ABHD17A: variants seen among roughly 807,000 people sequenced by gnomAD.
The protein encoded by ABHD17A is alpha/beta hydrolase domain-containing protein 17A.
In ABHD17A, 10 loss-of-function variants were observed where a neutral mutation model predicts 26.8. That is an observed-to-expected ratio of 0.37 (90% CI 0.23 to 0.63). ABHD17A has a LOEUF of 0.63. Ranked by LOEUF, ABHD17A falls within the 30% of genes least tolerant of loss-of-function variation. The pLI is 0.61. For synonymous variants in ABHD17A, 167 were observed against 210.9 expected (o/e 0.79, Z 1.80); for missense variants, 292 against 457.3 (o/e 0.64, Z 3.30).
chr19:1,880,448 A>C lies in ABHD17A; in HGVS notation c.333-333T>G, dbSNP rs1462147441. ...GCATCCTCTCTCAGGGCAGACTCGC[A>C]GTGTGTGCTCAGATACTGCAGGCTT... On this transcript the variant is annotated intron_variant, in intron 2 of 4. Transcript: ENST00000292577. The surrounding 1 kb of genome is among the most constrained non-coding windows in gnomAD (Gnocchi z 4.1). Among the ~76,000 whole-genome samples the C allele has an allele frequency of 6.6e-6, 1 of 152,152 alleles. No individual in the cohort carries two copies. Among genetic ancestry groups the C allele is most frequent in the Non-Finnish European group, 1.5e-5 (1 of 68,018 alleles).
At position 1,881,815 on chromosome 19, in the gene ABHD17A, A is replaced by C; in HGVS notation, c.-238-11T>G. ...GTGCCGTGGGAAGCCCTGCGGGGGAACAGTGACATGTGGGGTCCTTTGGGG... is the reference window on the plus strand; with the variant it reads ...GTGCCGTGGGAAGCCCTGCGGGGGACCAGTGACATGTGGGGTCCTTTGGGG... On this transcript the variant is annotated splice_polypyrimidine_tract_variant and intron_variant, in intron 1 of 4. Transcript: ENST00000292577. 6.1e-6 allele frequency: 3 copies of C among 492,566 alleles called. No individual in the cohort carries two copies. Among genetic ancestry groups the C allele is most frequent in the Non-Finnish European group, 1.0e-5 (3 of 295,612 alleles). The allele number at this position is 492,566 out of a possible 1,614,324, so 30.5% of individuals were successfully genotyped here. A position where few individuals can be genotyped will look rare whatever the true frequency, so the allele number is the denominator to read the frequency against.
intron 3 of ABHD17A, 42 bp from the exon 4 acceptor site, chr19:1,877,729 C>G: frequency 1.3e-6 from 2 of 1,573,226 alleles, no homozygotes; most frequent in Non-Finnish European, 1.7e-6. Context: ...CTCCGACGCG[C>G]GCGCACCCTT....
chr19:1,880,133 G>C lies in ABHD17A; in HGVS notation c.333-18C>G, dbSNP rs1472081874. The C allele has an allele frequency of 6.2e-7, 1 of 1,612,288 alleles. No homozygotes were observed. The highest frequency in any genetic ancestry group is 1.1e-5 in the South Asian group (1 of 91,036). On this transcript the variant is annotated intron_variant, in intron 2 of 4. Transcript: ENST00000292577. The surrounding 1 kb of genome is among the most constrained non-coding windows in gnomAD (Gnocchi z 4.1). ...CCGTGTACCTGGGACAGGCCGAGAA[G>C]GGCCGTTCACATCCTCGCTCCCAGC...
chr19:1,880,705 GC>G lies in ABHD17A; in HGVS notation c.332+529del. On this transcript the variant is annotated intron_variant, in intron 2 of 4. Coordinates refer to ENST00000292577, the MANE Select transcript of ABHD17A (RefSeq NM_001130111.2). The surrounding 1 kb of genome is among the most constrained non-coding windows in gnomAD (Gnocchi z 4.1). ...GCAGCCCCTCCTGGCCCACCACCCTGCCCAAGCCCCAAGGCTGTGCTGCAAG... is the reference window on the plus strand; with the variant it reads ...GCAGCCCCTCCTGGCCCACCACCCTGCCAAGCCCCAAGGCTGTGCTGCAAG... Among the ~76,000 whole-genome samples the G allele has an allele frequency of 6.6e-6, 1 of 152,118 alleles. No individual in the cohort carries two copies. The highest frequency in any genetic ancestry group is 1.5e-5 in the Non-Finnish European group (1 of 68,032).
intron 3 of ABHD17A, chr19:1,878,561 CA>C (rs2012436698): frequency 1.3e-5 from 2 of 152,336 alleles, no homozygotes; most frequent in Admixed American, 1.3e-4. Flanking sequence ...GGAGCATGGG[CA>C]GGTGTGCGTC....
rs2012480599 is a variant in ABHD17A at position 1,880,089 on chromosome 19, T to C, written c.359A>G (p.Asn120Ser). The C allele has an allele frequency of 1.2e-6, 2 of 1,613,146 alleles. No homozygotes were observed. Among genetic ancestry groups the C allele is most frequent in the African/African-American group, 1.3e-5 (1 of 75,062 alleles). The change falls in exon 3 of 5, where the codon AAT becomes AGT. Residue 120 changes from asparagine (N) to serine (S), a missense_variant. Coordinates refer to ENST00000292577, the MANE Select transcript of ABHD17A (RefSeq NM_001130111.2). The surrounding 1 kb of genome is among the most constrained non-coding windows in gnomAD (Gnocchi z 4.1). ...ARYTVLFSHG[N>S]AVDLGQMSSF... Reference sequence around the variant, plus strand: ...GCTCATCTGGCCCAGGTCCACGGCATTGCCGTGCGAGAAGAGGACCGTGTA... The same window carrying C: ...GCTCATCTGGCCCAGGTCCACGGCACTGCCGTGCGAGAAGAGGACCGTGTA...
intron 1 of ABHD17A, 48 bp downstream of exon 1, chr19:1,885,304 C>T (rs1006910875): frequency 6.6e-6 from 1 of 151,252 alleles, no homozygotes; most frequent in Non-Finnish European, 1.5e-5. Context: ...AGGCCCGGCC[C>T]GGGACCCCGC....
At position 1,881,713 on chromosome 19, in the gene ABHD17A, G is replaced by A. The variant is rs1568744295; in HGVS notation, c.-147C>T. 8 of 1,190,690 alleles carry A rather than the reference G, an allele frequency of 6.7e-6. No homozygotes were observed. Among genetic ancestry groups the A allele is most frequent in the Non-Finnish European group, 8.8e-6 (8 of 904,374 alleles). 73.8% of individuals were successfully genotyped at this position (1,190,690 alleles called of 1,614,324 possible). ...AGCTACCGCCCCAGACAGCAGCCCCGTTAGGAGGCCAGGGCCCAGCCCCAT... is the reference window on the plus strand; with the variant it reads ...AGCTACCGCCCCAGACAGCAGCCCCATTAGGAGGCCAGGGCCCAGCCCCAT... On this transcript the variant is annotated 5_prime_UTR_variant, in exon 2 of 5. It adds an upstream start codon to the 5' untranslated region. Coordinates refer to ENST00000292577, the MANE Select transcript of ABHD17A (RefSeq NM_001130111.2).
intron 1 of ABHD17A, chr19:1,882,440 G>A (rs1169582751): frequency 2.0e-5 from 3 of 152,222 alleles, no homozygotes; most frequent in African/African-American, 4.8e-5. Flanking sequence ...CTCTGTGCTG[G>A]AGCCAGGCCT....
At chr19:1,878,138 C>T in intron 3 of ABHD17A, 1 of 172,444 alleles carries the variant, frequency 5.8e-6, no homozygotes, top group Non-Finnish European at 1.2e-5. Flanking sequence ...CTCCCTGCAG[C>T]CCTTGCCCAC....
chr19:1,877,475 C>T (rs2012398142), intron 4 of ABHD17A, 33 bp downstream of exon 4: 2 of 1,578,398 alleles, frequency 1.3e-6, no homozygotes, highest in East Asian at 4.5e-5. Flanking sequence ...GCCCGGGCCC[C>T]GCCCCGCCCC....
intron 2 of ABHD17A, 161 bp downstream of exon 2, chr19:1,881,074 C>A: frequency 6.3e-7 from 1 of 1,590,368 alleles, no homozygotes; most frequent in Non-Finnish European, 8.6e-7. Context: ...GCCAGAGGGA[C>A]GAGGCCGGCC....
rs779052368 is a variant in ABHD17A at position 1,881,436 on chromosome 19, C to A, written c.131G>T (p.Gly44Val). 2 of 1,602,338 alleles carry A rather than the reference C, an allele frequency of 1.2e-6. No homozygotes were observed. Among genetic ancestry groups the A allele is most frequent in the East Asian group, 2.2e-5 (1 of 44,798 alleles). Residue 44 changes from glycine to valine, a missense_variant, in exon 2 of 5, where the codon GGG (glycine) becomes GTG (valine). Around this residue, in one of 4 missense-constraint regions of ABHD17A, gnomAD observed 171 missense variants for 216.1 expected, o/e 0.79. Coordinates refer to ENST00000292577, the MANE Select transcript of ABHD17A (RefSeq NM_001130111.2). ...TYSLVPEPEP[G>V]PGGAGAAPLG... Reference sequence around the variant, plus strand: ...GGGGGCGGCCCCGGCCCCACCAGGCCCCGGCTCGGGCTCAGGCACCAGGGA... The same window carrying A: ...GGGGGCGGCCCCGGCCCCACCAGGCACCGGCTCGGGCTCAGGCACCAGGGA...
chr19:1,877,148 G>A lies in ABHD17A; in HGVS notation c.*52C>T. On this transcript the variant is annotated 3_prime_UTR_variant, in exon 5 of 5. Coordinates refer to ENST00000292577, the MANE Select transcript of ABHD17A (RefSeq NM_001130111.2). ...GCCCCTGGGTGGGGGCCGGCGCGGG[G>A]TGAGGTCCGGGGGCCGCCTTATTGC... 1 of 1,458,602 alleles carries A rather than the reference G, an allele frequency of 6.9e-7. No individual in the cohort carries two copies. The highest frequency in any genetic ancestry group is 9.2e-7 in the Non-Finnish European group (1 of 1,082,546). 90.4% of individuals were successfully genotyped at this position (1,458,602 alleles called of 1,614,324 possible).
rs1418102034 is a variant in ABHD17A at position 1,880,480 on chromosome 19, C to G, written c.333-365G>C. Reference sequence around the variant, plus strand: ...GCTCAGATACTGCAGGCTTCACTGCCCTTCCTCCTGGAAGAACCTGGACCC... The same window carrying G: ...GCTCAGATACTGCAGGCTTCACTGCGCTTCCTCCTGGAAGAACCTGGACCC... On this transcript the variant is annotated intron_variant, in intron 2 of 4. Transcript: ENST00000292577. This position sits in a 1 kb window ranked among gnomAD's most constrained non-coding sequence, Gnocchi z 4.1. Among the ~76,000 whole-genome samples the G allele has an allele frequency of 1.3e-5, 2 of 152,210 alleles. No homozygotes were observed. Among genetic ancestry groups the G allele is most frequent in the African/African-American group, 4.8e-5 (2 of 41,454 alleles).
rs1053216105 is a variant in ABHD17A at position 1,877,065 on chromosome 19, GT to G, written c.*134del. 1.6e-6 allele frequency: 1 copy of G among 630,348 alleles called. No homozygotes were observed. The highest frequency in any genetic ancestry group is 1.8e-5 in the African/African-American group (1 of 54,434). The allele number at this position is 630,348 out of a possible 1,614,324, so 39.0% of individuals were successfully genotyped here. A position where few individuals can be genotyped will look rare whatever the true frequency, so the allele number is the denominator to read the frequency against. ...TGCGTAGCTCTGTTGCCTGTACATC[GT>G]CCACAGCCCCTGGGTCGGGGCGGGG... On this transcript the variant is annotated 3_prime_UTR_variant, in exon 5 of 5. Coordinates refer to ENST00000292577, the MANE Select transcript of ABHD17A (RefSeq NM_001130111.2).
At position 1,880,603 on chromosome 19, in the gene ABHD17A, C is replaced by A. The variant is rs1053885877; in HGVS notation, c.333-488G>T. On this transcript the variant is annotated intron_variant, in intron 2 of 4. Coordinates refer to ENST00000292577, the MANE Select transcript of ABHD17A (RefSeq NM_001130111.2). This position sits in a 1 kb window ranked among gnomAD's most constrained non-coding sequence, Gnocchi z 4.1. Reference sequence around the variant, plus strand: ...TCTCCCCTCACCTCACAGAATGGTGCCCTCACTGTTGGGGCACAACTGGAC... The same window carrying A: ...TCTCCCCTCACCTCACAGAATGGTGACCTCACTGTTGGGGCACAACTGGAC... Among the ~76,000 whole-genome samples, 1 of 152,186 alleles carries A rather than the reference C, an allele frequency of 6.6e-6. No homozygotes were observed.
At position 1,876,930 on chromosome 19, in the gene ABHD17A, G is replaced by A. The variant is rs2012371572; in HGVS notation, c.*270C>T. ...CCCGGCCCCCTTTCGAGCTCGCTGA[G>A]CGCTCGAGAGAGTGAGCAGAGCCAT... On this transcript the variant is annotated 3_prime_UTR_variant, in exon 5 of 5. Transcript: ENST00000292577. The A allele has an allele frequency of 2.1e-6, 1 of 487,194 alleles. No individual in the cohort carries two copies. Among genetic ancestry groups the A allele is most frequent in the Non-Finnish European group, 3.7e-6 (1 of 270,636 alleles). The allele number at this position is 487,194 out of a possible 1,614,324, so 30.2% of individuals were successfully genotyped here.
chr19:1,881,618 G>T lies in ABHD17A; in HGVS notation c.-52C>A. On this transcript the variant is annotated 5_prime_UTR_variant, in exon 2 of 5. Transcript: ENST00000292577. Reference sequence around the variant, plus strand: ...CACCGGGGCCCCCGCCAACAACGCCGCCCGGCCTGGCCCGGCAGGGGAGGG... The same window carrying T: ...CACCGGGGCCCCCGCCAACAACGCCTCCCGGCCTGGCCCGGCAGGGGAGGG... The T allele has an allele frequency of 3.5e-6, 5 of 1,445,508 alleles. No individual in the cohort carries two copies. In the South Asian group the frequency reaches 4.3e-5, roughly 12 times the overall value. The allele number at this position is 1,445,508 out of a possible 1,614,324, so 89.5% of individuals were successfully genotyped here.
Sources: allele counts gnomAD v4.1 joint callset (sites outside exome capture counted in the v4.1 genomes callset), GRCh38; gene constraint gnomAD v4.1.1; regional missense constraint gnomAD v4.1.1; non-coding constraint Gnocchi (gnomAD v3.1); transcripts MANE v1.5; gene names NCBI Gene and HGNC (gene_info 2026-07-23, HGNC 2026-07-21).